The following FRMD4A variants were observed in gnomAD, a reference collection of about 807,000 sequenced individuals.
FRMD4A encodes the protein FERM domain-containing protein 4A.
FRMD4A carries 29 observed loss-of-function variants against 129.1 expected under a neutral mutation model. The observed-to-expected ratio is 0.22, with a 90% CI of 0.17 to 0.31. The LOEUF is 0.31. FRMD4A is among the 10% of genes least tolerant of loss of function. FRMD4A has a pLI of 1.00. For synonymous variants in FRMD4A, 634 were observed against 571.6 expected (o/e 1.11, Z -1.56); for missense variants, 1,272 against 1,375.8 (o/e 0.92, Z 1.19).
At chr10:13,669,057 G>GTTTTTTTT (rs56706198) in intron 17 of FRMD4A, among the ~76,000 whole-genome samples, 1 of 97,460 alleles carries the variant, frequency 1.0e-5, no homozygotes, top group Non-Finnish European at 2.0e-5. Context: ...CTGAGCTTTA[G>GTTTTTTTT]TTTTTTTTTT....
intron 2 of FRMD4A, among the ~76,000 whole-genome samples, chr10:14,049,262 A>G (rs962361158): frequency 2.0e-5 from 3 of 152,228 alleles, no homozygotes; most frequent in Admixed American, 6.5e-5. Context: ...TTATAATTAC[A>G]TATGCACAGT....
chr10:13,737,539 T>C (rs924308521), intron 12 of FRMD4A, among the ~76,000 whole-genome samples: 1 of 152,090 alleles, frequency 6.6e-6, no homozygotes, highest in Non-Finnish European at 1.5e-5. Context: ...CTGCCCGAAA[T>C]TAAGGAACAG....
At chr10:14,289,311 C>G (rs1280540325) in intron 2 of FRMD4A, among the ~76,000 whole-genome samples, 1 of 151,950 alleles carries the variant, frequency 6.6e-6, no homozygotes, top group Non-Finnish European at 1.5e-5. Context: ...AATAAAATAA[C>G]AGCCATCTTG....
At chr10:13,854,629 A>C in intron 3 of FRMD4A, among the ~76,000 whole-genome samples, 1 of 144,038 alleles carries the variant, frequency 6.9e-6, no homozygotes. Flanking sequence ...GCAGGGTTTC[A>C]CCATGTTGGC....
chr10:14,294,529 T>C (rs10906648), intron 2 of FRMD4A, among the ~76,000 whole-genome samples: 49,063 of 152,078 alleles, frequency 0.32, 8,298 homozygotes, highest in Middle Eastern at 0.37. Context: ...TCTCTTCATG[T>C]GTAGTGTAAA....
At chr10:13,761,353 C>T (rs1365060343) in intron 8 of FRMD4A, among the ~76,000 whole-genome samples, 1 of 152,206 alleles carries the variant, frequency 6.6e-6, no homozygotes, top group Admixed American at 6.5e-5. Context: ...CTCTACGAGA[C>T]ATTTGAGCAG....
chr10:13,807,401 C>T (rs1474687113), intron 4 of FRMD4A, among the ~76,000 whole-genome samples: 1 of 152,158 alleles, frequency 6.6e-6, no homozygotes, highest in African/African-American at 2.4e-5. Flanking sequence ...ATGAAAGTCA[C>T]GTCGTTTGCA....
intron 2 of FRMD4A, among the ~76,000 whole-genome samples, chr10:13,947,271 C>G (rs190968360): frequency 2.0e-5 from 3 of 152,188 alleles, no homozygotes; most frequent in Non-Finnish European, 4.4e-5. Context: ...TATTAGCACT[C>G]TCTATATACA....
intron 3 of FRMD4A, among the ~76,000 whole-genome samples, chr10:13,830,101 A>G (rs17154092): frequency 0.017 from 2,620 of 152,188 alleles, 108 homozygotes; most frequent in East Asian, 0.14. Context: ...TCTGGAGGAG[A>G]TAACGCGCTT....
At chr10:13,886,431 C>T (rs1294170888) in intron 2 of FRMD4A, among the ~76,000 whole-genome samples, 6 of 152,114 alleles carry the variant, frequency 3.9e-5, no homozygotes, top group Non-Finnish European at 2.9e-5. Context: ...GACCAGGACT[C>T]CGGACTTTAA....
chr10:14,031,665 C>A (rs562303658), intron 2 of FRMD4A, among the ~76,000 whole-genome samples: 2 of 152,122 alleles, frequency 1.3e-5, no homozygotes, highest in Non-Finnish European at 2.9e-5. Flanking sequence ...GAGCTCTAGG[C>A]GAAGCTCTTA....
chr10:14,219,719 C>A (rs1843185593), intron 2 of FRMD4A, among the ~76,000 whole-genome samples: 1 of 152,154 alleles, frequency 6.6e-6, no homozygotes, highest in Admixed American at 6.5e-5. Context: ...GACTGGGGAA[C>A]TTCAGAAGTG....
At chr10:14,218,424 C>T (rs1843141044) in intron 2 of FRMD4A, among the ~76,000 whole-genome samples, 1 of 152,156 alleles carries the variant, frequency 6.6e-6, no homozygotes, top group African/African-American at 2.4e-5. Flanking sequence ...AGCTTTCAGT[C>T]ATAGTTACAT....
At chr10:14,249,565 T>TCAGTGCTGC (rs1844364655) in intron 2 of FRMD4A, among the ~76,000 whole-genome samples, 2 of 152,198 alleles carry the variant, frequency 1.3e-5, no homozygotes, top group Admixed American at 6.5e-5. Flanking sequence ...AGAACTTCAG[T>TCAGTGCTGC]CAGTGCTGCT....
intron 2 of FRMD4A, among the ~76,000 whole-genome samples, chr10:14,244,300 A>G (rs1284261479): frequency 6.6e-6 from 1 of 152,184 alleles, no homozygotes; most frequent in Non-Finnish European, 1.5e-5. Flanking sequence ...TCCAGGCGCC[A>G]GAATGCCTTC....
chr10:14,102,536 C>T (rs1837363553), intron 2 of FRMD4A, among the ~76,000 whole-genome samples: 1 of 152,128 alleles, frequency 6.6e-6, no homozygotes, highest in African/African-American at 2.4e-5. Context: ...GTGCTCTGGA[C>T]ACAGAGGGCC....
chr10:14,134,402 T>G (rs1329543238), intron 2 of FRMD4A, among the ~76,000 whole-genome samples: 1 of 150,870 alleles, frequency 6.6e-6, no homozygotes, highest in Non-Finnish European at 1.5e-5. Flanking sequence ...AATGGGTGGA[T>G]GGATGGATGG....
rs59205563 is a variant in FRMD4A, at chr10:13,716,654, C to A, written c.760-9541G>T. Among the ~76,000 whole-genome samples the A allele has an allele frequency of 5.4e-3, 826 of 152,276 alleles. 8 individuals are homozygous for A. The highest frequency in any genetic ancestry group is 0.019 in the African/African-American group (787 of 41,546). ...ATACCCAGAGCACCGGGCCTTGACC[C>A]CTTAATGGATGGCCTCTTTTTAACC... is the stretch of plus-strand genomic sequence containing the variant. On this transcript the variant is annotated intron_variant, in intron 12 of 24. Coordinates refer to ENST00000357447, the MANE Select transcript of FRMD4A (RefSeq NM_018027.5).
At chr10:14,298,234 G>C (rs1031376695) in intron 2 of FRMD4A, among the ~76,000 whole-genome samples, 1 of 152,174 alleles carries the variant, frequency 6.6e-6, no homozygotes, top group Non-Finnish European at 1.5e-5. Context: ...CCAAGATCCA[G>C]TGTCTACATG....
Sources: allele counts gnomAD v4.1 joint callset (sites outside exome capture counted in the v4.1 genomes callset), GRCh38; gene constraint gnomAD v4.1.1; transcripts MANE v1.5; gene names NCBI Gene and HGNC (gene_info 2026-07-23, HGNC 2026-07-21).